The following PRDM16 variants were observed in gnomAD, a reference collection of about 807,000 sequenced individuals.
The protein encoded by PRDM16 is PR/SET domain 16.
A neutral mutation model predicts 110.6 loss-of-function variants in PRDM16; 23 were observed. That is an observed-to-expected ratio of 0.21 (90% confidence interval 0.15 to 0.29). PRDM16 has a LOEUF of 0.29. Ranked by LOEUF, PRDM16 falls within the 10% of genes least tolerant of loss-of-function variation. The pLI is 1.00. For synonymous variants in PRDM16, 799 were observed against 781.8 expected (o/e 1.02, Z -0.37); for missense variants, 1,615 against 1,794.3 (o/e 0.90, Z 1.81).
chr1:3,095,720 G>T (rs993299761), intron 1 of PRDM16, among the ~76,000 whole-genome samples: 1 of 152,120 alleles, frequency 6.6e-6, no homozygotes, highest in African/African-American at 2.4e-5. Context: ...GGCCAGGAGG[G>T]TAGGATTTGA....
At chr1:3,383,404 C>A (rs1238967065) in intron 3 of PRDM16, among the ~76,000 whole-genome samples, 1 of 152,160 alleles carries the variant, frequency 6.6e-6, no homozygotes, top group Non-Finnish European at 1.5e-5. Flanking sequence ...TGGATGTCAA[C>A]AAGGAGACTG....
intron 1 of PRDM16, among the ~76,000 whole-genome samples, chr1:3,167,408 G>A (rs1027122071): frequency 2.0e-5 from 3 of 152,130 alleles, no homozygotes; most frequent in African/African-American, 4.8e-5. Context: ...AGAGGGCCTG[G>A]TGGCTGGGGG....
At chr1:3,108,039 G>T (rs900805615) in intron 1 of PRDM16, among the ~76,000 whole-genome samples, 1 of 152,260 alleles carries the variant, frequency 6.6e-6, no homozygotes, top group Non-Finnish European at 1.5e-5. Flanking sequence ...ATGCCAAACT[G>T]ATTCCTTTCT....
rs1047104659 is a variant in PRDM16, at chr1:3,314,545, A to G, written c.438+70408A>G. The stretch of plus-strand genomic sequence containing the variant: ...CCTGCTCCATCCAGGAGCAAACTTC[A>G]TCTGCCAAATGTGTGTGAGCGTTCT... On this transcript the variant is annotated intron_variant, in intron 3 of 16. Coordinates refer to ENST00000270722, the MANE Select transcript of PRDM16 (RefSeq NM_022114.4). 2.0e-4 allele frequency among the ~76,000 whole-genome samples: 31 copies of G among 151,886 alleles called. 1 individual carries two copies. Among genetic ancestry groups the G allele is most frequent in the African/African-American group, 6.8e-4 (28 of 41,410 alleles).
At chr1:3,393,993 A>G (rs1423844318) in intron 4 of PRDM16, among the ~76,000 whole-genome samples, 1 of 151,668 alleles carries the variant, frequency 6.6e-6, no homozygotes, top group Non-Finnish European at 1.5e-5. Context: ...GGCGCGCTAG[A>G]CCCTCCCGCG....
chr1:3,107,520 G>A (rs890474193), intron 1 of PRDM16, among the ~76,000 whole-genome samples: 1 of 152,208 alleles, frequency 6.6e-6, no homozygotes, highest in African/African-American at 2.4e-5. Flanking sequence ...GCCCGATGGG[G>A]AGCCTGCGGA....
At chr1:3,413,282 C>G (rs907622909) in intron 9 of PRDM16, among the ~76,000 whole-genome samples, 8 of 148,978 alleles carry the variant, frequency 5.4e-5, no homozygotes, top group Non-Finnish European at 1.0e-4. Flanking sequence ...GCCACAGCGG[C>G]AGGGGGAATG....
chr1:3,393,723 C>A (rs1013074566), intron 4 of PRDM16, among the ~76,000 whole-genome samples: 1 of 152,124 alleles, frequency 6.6e-6, no homozygotes, highest in African/African-American at 2.4e-5. Context: ...GCTGTAAAAA[C>A]GCAGCCAGCT....
At chr1:3,268,899 C>T (rs1020332995) in intron 3 of PRDM16, among the ~76,000 whole-genome samples, 1 of 152,268 alleles carries the variant, frequency 6.6e-6, no homozygotes, top group Admixed American at 6.5e-5. Flanking sequence ...GCCAAGCCAA[C>T]TTCAGCTGCT....
At chr1:3,114,165 G>A (rs866130033) in intron 1 of PRDM16, among the ~76,000 whole-genome samples, 10 of 129,158 alleles carry the variant, frequency 7.7e-5, no homozygotes, top group South Asian at 4.8e-4. Context: ...ACACACACAC[G>A]CACACACACG....
intron 10 of PRDM16, among the ~76,000 whole-genome samples, chr1:3,417,465 G>A (rs992312405): frequency 2.6e-5 from 4 of 152,240 alleles, no homozygotes; most frequent in Admixed American, 6.5e-5. Flanking sequence ...AGTCAAGTCA[G>A]CTGGGCATTT....
chr1:3,397,927 A>G (rs1643409645), intron 5 of PRDM16, among the ~76,000 whole-genome samples: 1 of 152,156 alleles, frequency 6.6e-6, no homozygotes, highest in African/African-American at 2.4e-5. Flanking sequence ...GTATCTGTTT[A>G]TGTCCCTGAG....
chr1:3,365,007 G>T (rs1642784709), intron 3 of PRDM16, among the ~76,000 whole-genome samples: 1 of 152,212 alleles, frequency 6.6e-6, no homozygotes. Flanking sequence ...TCCTCCCAGG[G>T]GATGCAAAGG....
At chr1:3,176,884 C>T (rs1044437216) in intron 1 of PRDM16, among the ~76,000 whole-genome samples, 3 of 151,976 alleles carry the variant, frequency 2.0e-5, no homozygotes, top group African/African-American at 7.3e-5. Context: ...ATTCTTCCTT[C>T]CTTCCGTCTA....
In PRDM16 at chr1:3,428,967, C is replaced by T. The variant is rs114808273; in HGVS notation, c.3285-1905C>T. Among the ~76,000 whole-genome samples the T allele has an allele frequency of 2.9e-3, 444 of 152,342 alleles. 4 individuals carry two copies. Among genetic ancestry groups the T allele is most frequent in the African/African-American group, 0.01 (423 of 41,594 alleles). ...AATGGAGACAGAGGTCAGGGTGATGCGCCTCCCAGCCAAGGGTCACCTAAG... is the reference window on the plus strand; with the variant it reads ...AATGGAGACAGAGGTCAGGGTGATGTGCCTCCCAGCCAAGGGTCACCTAAG... On this transcript the variant is annotated intron_variant, in intron 14 of 16. Coordinates refer to ENST00000270722, the MANE Select transcript of PRDM16 (RefSeq NM_022114.4).
At chr1:3,212,231 G>T (rs1173935638) in intron 2 of PRDM16, among the ~76,000 whole-genome samples, 3 of 152,210 alleles carry the variant, frequency 2.0e-5, no homozygotes, top group Non-Finnish European at 4.4e-5. Flanking sequence ...GTGAGGCTTT[G>T]TCCCTCCTCT....
chr1:3,243,491 C>T lies in PRDM16; in HGVS notation c.388-596C>T, dbSNP rs1447844453. ...ACCTCTGCCCCTGCCTCTGGCCGCC[C>T]GCCGCTGTCTCCTGGGACCGCTGGG... On this transcript the variant is annotated intron_variant, in intron 2 of 16. Coordinates refer to ENST00000270722, the MANE Select transcript of PRDM16 (RefSeq NM_022114.4). The surrounding 1 kb of genome is among the most constrained non-coding windows in gnomAD (Gnocchi z 5.5). Among the ~76,000 whole-genome samples, 3 of 152,204 alleles carry T rather than the reference C, an allele frequency of 2.0e-5. No homozygotes were observed. Among genetic ancestry groups the T allele is most frequent in the South Asian group, 2.1e-4 (1 of 4,836 alleles).
At chr1:3,277,786 T>TGCACACAAAC (rs1640624235) in intron 3 of PRDM16, among the ~76,000 whole-genome samples, 1 of 151,646 alleles carries the variant, frequency 6.6e-6, no homozygotes, top group African/African-American at 2.4e-5. Flanking sequence ...CGCACACATA[T>TGCACACAAAC]GCACACACAA....
intron 2 of PRDM16, among the ~76,000 whole-genome samples, chr1:3,218,355 G>C (rs1472285423): frequency 6.6e-6 from 1 of 152,238 alleles, no homozygotes; most frequent in Non-Finnish European, 1.5e-5. Flanking sequence ...GAAGGGGGGA[G>C]GGCAGTAACC....
Sources: gnomAD v4.1 joint callset for allele counts (sites outside exome capture counted in the v4.1 genomes callset) on GRCh38, gnomAD v4.1.1 for gene constraint, Gnocchi (gnomAD v3.1) non-coding constraint, MANE v1.5 for transcripts, NCBI Gene and HGNC (gene_info 2026-07-23, HGNC 2026-07-21) for gene names.